APH1B: variants seen among roughly 807,000 people sequenced by gnomAD.
The protein encoded by APH1B is gamma-secretase subunit APH-1B.
APH1B carries 27 observed loss-of-function variants against 28.2 expected under a neutral mutation model. The ratio of observed to expected loss-of-function variants is 0.96; its 90% CI spans 0.70 to 1.32. The LOEUF (loss-of-function observed/expected upper bound fraction) is 1.32, where lower values mean the gene tolerates loss of function less well. Among genes scored for constraint, APH1B ranks in the 40% most tolerant of loss-of-function variants. The pLI is 0.00. For missense variants in APH1B, 305 were observed against 313.6 expected (o/e 0.97, Z 0.21); for synonymous variants, 141 against 124.6 (o/e 1.13, Z -0.88).
chr15:63,303,808 AT>A (rs2038657804), intron 5 of APH1B, among the ~76,000 whole-genome samples: 1 of 151,404 alleles, frequency 6.6e-6, no homozygotes. Flanking sequence ...ATTCTTATCT[AT>A]TGTGAATGGT....
Position 63,277,609 on chromosome 15 carries a change from G to C in APH1B, c.-15G>C. 1.3e-6 allele frequency: 2 copies of C among 1,531,726 alleles called. No individual in the cohort carries two copies. The highest frequency in any genetic ancestry group is 8.8e-7 in the Non-Finnish European group (1 of 1,137,776). The allele number at this position is 1,531,726 out of a possible 1,614,324, so 94.9% of individuals were successfully genotyped here. A position where few individuals can be genotyped will look rare whatever the true frequency, so the allele number is the denominator to read the frequency against. On this transcript the variant is annotated 5_prime_UTR_variant, in exon 1 of 6. Transcript: ENST00000261879. Reference sequence around the variant, plus strand: ...GCGTCCCCAACGGGCCCCCGGGTCGGTTTCCGCGGTGGCCATGACTGCGGC... The same window carrying C: ...GCGTCCCCAACGGGCCCCCGGGTCGCTTTCCGCGGTGGCCATGACTGCGGC...
In APH1B at chr15:63,292,322, T is replaced by G. The variant is rs182082779; in HGVS notation, c.478+4776T>G. Among the ~76,000 whole-genome samples, 24 of 152,396 alleles carry G rather than the reference T, an allele frequency of 1.6e-4. No individual in the cohort carries two copies. The East Asian group carries it at 4.2e-3, about 27-fold the overall frequency. On this transcript the variant is annotated intron_variant, in intron 4 of 5. Coordinates refer to ENST00000261879, the MANE Select transcript of APH1B (RefSeq NM_031301.4). ...TGTCACAACTAACTGCTACTGTTTA[T>G]GATACAGTGATACTCTATACGCTGT...
rs1460909316 is a variant in APH1B at position 63,307,985 on chromosome 15, C to T, written c.*2204C>T. On this transcript the variant is annotated 3_prime_UTR_variant, in exon 6 of 6. Transcript: ENST00000261879. ...CGTAAAACATGAGCCTTTCCAGAGT[C>T]AGCTTAGACACTGTTGTCGCAAATA... 4 of 152,188 alleles carry T rather than the reference C, an allele frequency of 2.6e-5. No homozygotes were observed. Among genetic ancestry groups the T allele is most frequent in the Non-Finnish European group, 5.9e-5 (4 of 68,038 alleles). The allele number at this position is 152,188 out of a possible 1,614,324, so 9.4% of individuals were successfully genotyped here.
intron 2 of APH1B, among the ~76,000 whole-genome samples, chr15:63,281,938 C>T (rs1428059350): frequency 6.6e-6 from 1 of 152,030 alleles, no homozygotes. Context: ...CCTAGGGAAA[C>T]CATGTGTGCT....
At chr15:63,281,269 CTGGACCTCAACAGGCA>C (rs2152592138) in intron 2 of APH1B, among the ~76,000 whole-genome samples, 1 of 152,280 alleles carries the variant, frequency 6.6e-6, no homozygotes, top group East Asian at 1.9e-4. Context: ...ATTTCTTCAC[CTGGACCTCAACAGGCA>C]TGGTTGTGGC....
At position 63,305,885 on chromosome 15, in the gene APH1B, A is replaced by G; in HGVS notation, c.*104A>G. 7.1e-7 allele frequency: 1 copy of G among 1,415,026 alleles called. No individual in the cohort carries two copies. The highest frequency in any genetic ancestry group is 2.4e-5 in the East Asian group (1 of 42,132). The allele number at this position is 1,415,026 out of a possible 1,614,324, so 87.7% of individuals were successfully genotyped here. On this transcript the variant is annotated 3_prime_UTR_variant, in exon 6 of 6. Coordinates refer to ENST00000261879, the MANE Select transcript of APH1B (RefSeq NM_031301.4). Reference sequence around the variant, plus strand: ...TTTTTCTGGTGGAATTGAGAAAGAAATAAAACTATGCAGATATGCGTTCCA... The same window carrying G: ...TTTTTCTGGTGGAATTGAGAAAGAAGTAAAACTATGCAGATATGCGTTCCA...
rs201852277 is a variant in APH1B, at chr15:63,287,529, A to C, written c.461A>C (p.Gln154Pro). 1.4e-5 allele frequency: 22 copies of C among 1,613,816 alleles called. No homozygotes were observed. Among genetic ancestry groups the C allele is most frequent in the Non-Finnish European group, 1.8e-5 (21 of 1,179,868 alleles). The change falls in exon 4 of 6, where the codon CAA becomes CCA. Residue 154 changes from glutamine (Q) to proline (P), a missense_variant. Transcript: ENST00000261879. ...GTVGIHGDSPQFFLYSAFMTL... is the reference protein window; with the variant it reads ...GTVGIHGDSPPFFLYSAFMTL... ...GTGGGCATTCATGGAGATTCTCCTC[A>C]ATTCTTCCTTTATTCAGGTATGTGT...
chr15:63,305,165 G>A (rs887438984), intron 5 of APH1B, among the ~76,000 whole-genome samples: 10 of 152,176 alleles, frequency 6.6e-5, no homozygotes, highest in African/African-American at 2.4e-4. Flanking sequence ...TTCCATTAGT[G>A]TTCTTTAAAT....
At position 63,287,479 on chromosome 15, in the gene APH1B, A is replaced by T; in HGVS notation, c.411A>T (p.Leu137=). ...MSGVFSFVNT[L]SDSLGPGTVG... ...GAGTATTTTCCTTTGTGAATACCCT[A>T]TCTGACTCCTTGGGGCCAGGCACAG... Residue 137 remains leucine, a synonymous_variant, in exon 4 of 6, where the codon CTA becomes CTT. Transcript: ENST00000261879. 6.2e-7 allele frequency: 1 copy of T among 1,614,070 alleles called. No homozygotes were observed. Among genetic ancestry groups the T allele is most frequent in the Non-Finnish European group, 8.5e-7 (1 of 1,179,932 alleles).
chr15:63,302,564 A>G (rs1253884810), intron 5 of APH1B, 92 bp downstream of exon 5: 16 of 1,447,836 alleles, frequency 1.1e-5, no homozygotes, highest in Non-Finnish European at 1.5e-5. Context: ...ATACACGCTC[A>G]TGAGAACATG....
rs990629443 is a variant in APH1B, at chr15:63,307,084, A to G, written c.*1303A>G. 3 of 152,198 alleles carry G rather than the reference A, an allele frequency of 2.0e-5. No homozygotes were observed. Among genetic ancestry groups the G allele is most frequent in the African/African-American group, 7.2e-5 (3 of 41,436 alleles). The allele number at this position is 152,198 out of a possible 1,614,324, so 9.4% of individuals were successfully genotyped here. ...TGGGGAGCTGGTGGCATGAAATGCA[A>G]ATGACCTATACATTAAAGTGATGTC... is the stretch of plus-strand genomic sequence containing the variant. On this transcript the variant is annotated 3_prime_UTR_variant, in exon 6 of 6. Coordinates refer to ENST00000261879, the MANE Select transcript of APH1B (RefSeq NM_031301.4).
intron 5 of APH1B, among the ~76,000 whole-genome samples, chr15:63,303,874 AACACACACACACACAC>A (rs113837395): frequency 2.7e-5 from 4 of 145,598 alleles, no homozygotes; most frequent in Non-Finnish European, 6.0e-5. Context: ...ACACACACAC[AACACACACACACACAC>A]ACACACACAC....
At chr15:63,289,456 A>G (rs2038480914) in intron 4 of APH1B, among the ~76,000 whole-genome samples, 1 of 152,200 alleles carries the variant, frequency 6.6e-6, no homozygotes, top group African/African-American at 2.4e-5. Context: ...AATAATCAGA[A>G]TAAATAAGGA....
rs2038689092 is a variant in APH1B at position 63,306,472 on chromosome 15, C to A, written c.*691C>A. 2.0e-5 allele frequency: 3 copies of A among 152,368 alleles called. No homozygotes were observed. In the South Asian group the frequency reaches 6.2e-4, roughly 32 times the overall value. The allele number at this position is 152,368 out of a possible 1,614,324, so 9.4% of individuals were successfully genotyped here. The stretch of plus-strand genomic sequence containing the variant: ...TTACATTGTTTTTGAGTATAGATTA[C>A]ATTTTATTAACTAAAAATGATTGTT... On this transcript the variant is annotated 3_prime_UTR_variant, in exon 6 of 6. Coordinates refer to ENST00000261879, the MANE Select transcript of APH1B (RefSeq NM_031301.4).
At chr15:63,280,833 T>G (rs377035049) in intron 2 of APH1B, among the ~76,000 whole-genome samples, 54 of 152,312 alleles carry the variant, frequency 3.5e-4, no homozygotes, top group African/African-American at 1.1e-3. Context: ...AAGCTTTAAC[T>G]GTAGAATATC....
chr15:63,281,363 CGCCTGGTTTTT>C (rs2038385697), intron 2 of APH1B, among the ~76,000 whole-genome samples: 1 of 151,718 alleles, frequency 6.6e-6, no homozygotes, highest in Non-Finnish European at 1.5e-5. Context: ...TTTTTGTCAG[CGCCTGGTTTTT>C]GCCTGTGCTC....
chr15:63,287,211 G>A, intron 3 of APH1B: 2 of 537,264 alleles, frequency 3.7e-6, no homozygotes, highest in Non-Finnish European at 6.5e-6. Context: ...TTACTCTGCT[G>A]CATTCTGCCA....
intron 5 of APH1B, 35 bp from the exon 6 acceptor site, chr15:63,305,579 G>C (rs2038677550): frequency 6.2e-7 from 1 of 1,604,686 alleles, no homozygotes; most frequent in Admixed American, 1.7e-5. Flanking sequence ...TAAGCTTGCT[G>C]TTATTACCCA....
intron 4 of APH1B, among the ~76,000 whole-genome samples, chr15:63,300,754 C>T (rs2038618140): frequency 6.6e-6 from 1 of 152,328 alleles, no homozygotes; most frequent in South Asian, 2.1e-4. Flanking sequence ...TTTCTTTCAT[C>T]ACAACAGTTA....
Sources: allele counts gnomAD v4.1 joint callset (sites outside exome capture counted in the v4.1 genomes callset), GRCh38; gene constraint gnomAD v4.1.1; transcripts MANE v1.5; gene names NCBI Gene and HGNC (gene_info 2026-07-23, HGNC 2026-07-21).